Variants in SMAP2 observed in about 807,000 individuals in gnomAD.
SMAP2 encodes the protein stromal membrane-associated protein 2.
A neutral mutation model predicts 56.4 loss-of-function variants in SMAP2; 25 were observed. The observed-to-expected ratio is 0.44, with a 90% CI of 0.32 to 0.62. The LOEUF (loss-of-function observed/expected upper bound fraction) is 0.62. SMAP2 is among the 20% of genes least tolerant of loss of function. The pLI is 0.04. For missense variants in SMAP2, 388 were observed against 545.6 expected (o/e 0.71, Z 2.88); for synonymous variants, 157 against 181.7 (o/e 0.86, Z 1.09).
At chr1:40,363,935 C>T (rs1275682606) in intron 2 of SMAP2, among the ~76,000 whole-genome samples, 2 of 152,180 alleles carry the variant, frequency 1.3e-5, no homozygotes, top group Non-Finnish European at 2.9e-5. Context: ...TCACGAAGCT[C>T]ACTAAGCTTA....
chr1:40,396,818 C>T (rs1260967967), intron 1 of SMAP2: 3 of 984,768 alleles, frequency 3.0e-6, no homozygotes, highest in Non-Finnish European at 3.6e-6. Flanking sequence ...TTTCCAAGAT[C>T]CCACTGGTGT....
At chr1:40,355,299 T>A (rs368158322) in intron 1 of SMAP2, among the ~76,000 whole-genome samples, 1 of 152,206 alleles carries the variant, frequency 6.6e-6, no homozygotes, top group South Asian at 2.1e-4. Context: ...ATGATGAGTA[T>A]CAGTGCCTGT....
rs189296482 is a variant in SMAP2, at chr1:40,381,723, T to A, written c.103+7500T>A. On this transcript the variant is annotated intron_variant, in intron 1 of 9. Coordinates refer to ENST00000372718, the MANE Select transcript of SMAP2 (RefSeq NM_022733.3). The stretch of plus-strand genomic sequence containing the variant: ...GCACTGTGCTTTAGACTTCCTGTTG[T>A]GTAAGAAGCCCATAGTATTGTAGGT... Among the ~76,000 whole-genome samples, 5 of 152,266 alleles carry A rather than the reference T, an allele frequency of 3.3e-5. No individual in the cohort carries two copies. The East Asian group carries it at 9.6e-4, about 29-fold the overall frequency.
rs370401128 is a variant in SMAP2 at position 40,416,159 on chromosome 1, G to A, written c.682-17G>A. On this transcript the variant is annotated splice_polypyrimidine_tract_variant and intron_variant, in intron 7 of 9. Coordinates refer to ENST00000372718, the MANE Select transcript of SMAP2 (RefSeq NM_022733.3). ...TGAGAACCATTTCAATTCTCCCCCC[G>A]CCCTCTTTGCCCTAAGGTTGTAGGT... is the stretch of plus-strand genomic sequence containing the variant. 6.2e-6 allele frequency: 10 copies of A among 1,606,004 alleles called. No individual in the cohort carries two copies. The African/African-American group carries it at 1.1e-4, about 17-fold the overall frequency.
At chr1:40,414,914 C>G (rs1216659519) in intron 6 of SMAP2, among the ~76,000 whole-genome samples, 2 of 152,200 alleles carry the variant, frequency 1.3e-5, no homozygotes, top group African/African-American at 2.4e-5. Flanking sequence ...TTATTGGCTA[C>G]TTAGGCTTCT....
intron 1 of SMAP2, among the ~76,000 whole-genome samples, chr1:40,356,125 A>C (rs527807202): frequency 1.3e-5 from 2 of 152,056 alleles, no homozygotes; most frequent in East Asian, 3.9e-4. Flanking sequence ...TAACATAATG[A>C]CCTCCAGTTC....
chr1:40,349,911 A>G (rs191666447), intron 1 of SMAP2, among the ~76,000 whole-genome samples: 5 of 152,294 alleles, frequency 3.3e-5, no homozygotes, highest in African/African-American at 1.2e-4. Context: ...TATCTCCAAC[A>G]TTGAGTCAGT....
chr1:40,400,164 C>T (rs1485625800), intron 1 of SMAP2, among the ~76,000 whole-genome samples: 1 of 152,064 alleles, frequency 6.6e-6, no homozygotes, highest in Non-Finnish European at 1.5e-5. Context: ...GCAGGAGCAG[C>T]ATGTACAAAG....
chr1:40,408,590 G>A lies in SMAP2; in HGVS notation c.238-63G>A. ...CAATTGTACAGTAGTGGAATTGGGT[G>A]AGAAGTTTTTCAGTTCTTTCTTGAT... On this transcript the variant is annotated intron_variant, in intron 2 of 9. Transcript: ENST00000372718. The surrounding 1 kb of genome is among the most constrained non-coding windows in gnomAD (Gnocchi z 4.3). The A allele has an allele frequency of 2.8e-6, 4 of 1,407,728 alleles. No homozygotes were observed. Among genetic ancestry groups the A allele is most frequent in the Non-Finnish European group, 4.0e-6 (4 of 994,972 alleles). 87.2% of individuals were successfully genotyped at this position (1,407,728 alleles called of 1,614,324 possible).
intron 1 of SMAP2, among the ~76,000 whole-genome samples, chr1:40,349,729 C>T (rs996461215): frequency 6.6e-6 from 1 of 152,112 alleles, no homozygotes; most frequent in African/African-American, 2.4e-5. Context: ...CCATGTTGGC[C>T]AGGATGGTCT....
chr1:40,374,561 C>A lies in SMAP2; in HGVS notation c.103+338C>A. The stretch of plus-strand genomic sequence containing the variant: ...AGCTCCCAGCATGTCACTTGCAAAG[C>A]TGGGGATGAACTGCATTGCGTGCGT... On this transcript the variant is annotated intron_variant, in intron 1 of 9. Transcript: ENST00000372718. This position sits in a 1 kb window ranked among gnomAD's most constrained non-coding sequence, Gnocchi z 5.9. The A allele has an allele frequency of 8.6e-7, 1 of 1,166,770 alleles. No individual in the cohort carries two copies. The highest frequency in any genetic ancestry group is 1.2e-6 in the Non-Finnish European group (1 of 806,678). 72.3% of individuals were successfully genotyped at this position (1,166,770 alleles called of 1,614,324 possible).
At position 40,373,774 on chromosome 1, in the gene SMAP2, G is replaced by C; in HGVS notation, c.-347G>C. 5.2e-6 allele frequency: 1 copy of C among 193,714 alleles called. No individual in the cohort carries two copies. The allele number at this position is 193,714 out of a possible 1,614,324, so 12.0% of individuals were successfully genotyped here. On this transcript the variant is annotated 5_prime_UTR_variant, in exon 1 of 10. Transcript: ENST00000372718. ...GCAGCTGCCAGGGAAACCGAGGCGC[G>C]GGACGCAAGGCCAGCAGACAGGCCG...
intron 1 of SMAP2, among the ~76,000 whole-genome samples, chr1:40,401,676 G>T (rs1644835972): frequency 6.6e-6 from 1 of 152,158 alleles, no homozygotes; most frequent in Non-Finnish European, 1.5e-5. Flanking sequence ...GCAGCAAGAG[G>T]AATTTGCAGC....
At chr1:40,376,507 T>A (rs933798894) in intron 1 of SMAP2, among the ~76,000 whole-genome samples, 1 of 152,190 alleles carries the variant, frequency 6.6e-6, no homozygotes, top group Non-Finnish European at 1.5e-5. Flanking sequence ...TAGGCATTTG[T>A]TGAGGCCTCT....
chr1:40,411,001 A>C (rs901169894), intron 4 of SMAP2, among the ~76,000 whole-genome samples: 4 of 152,136 alleles, frequency 2.6e-5, no homozygotes, highest in Admixed American at 6.5e-5. Flanking sequence ...CAGTGAAATC[A>C]CTGTTTGCAC....
chr1:40,397,836 G>A (rs1644787504), intron 1 of SMAP2, among the ~76,000 whole-genome samples: 1 of 152,152 alleles, frequency 6.6e-6, no homozygotes. Flanking sequence ...AGATGAACTG[G>A]ATTTTTAAGT....
chr1:40,371,490 G>A (rs889272510), upstream of SMAP2, among the ~76,000 whole-genome samples: 1 of 152,216 alleles, frequency 6.6e-6, no homozygotes, highest in Non-Finnish European at 1.5e-5. Flanking sequence ...CTTATGCTAA[G>A]TTATCCTCTA....
Position 40,374,109 on chromosome 1 carries a change from G to A in SMAP2, c.-12G>A. On this transcript the variant is annotated 5_prime_UTR_variant, in exon 1 of 10. Coordinates refer to ENST00000372718, the MANE Select transcript of SMAP2 (RefSeq NM_022733.3). The surrounding 1 kb of genome is among the most constrained non-coding windows in gnomAD (Gnocchi z 5.9). The stretch of plus-strand genomic sequence containing the variant: ...GGGCGCGTCGCCCTCTGCCCCCGCC[G>A]GCACCCTGGCCATGACAGGCAAGTC... 1 of 1,607,010 alleles carries A rather than the reference G, an allele frequency of 6.2e-7. No individual in the cohort carries two copies.
chr1:40,351,757 C>T (rs1644410148), intron 1 of SMAP2, among the ~76,000 whole-genome samples: 1 of 152,154 alleles, frequency 6.6e-6, no homozygotes, highest in Non-Finnish European at 1.5e-5. Flanking sequence ...CCACCTTGGC[C>T]TCTCAAATTG....
Sources: allele counts gnomAD v4.1 joint callset (sites outside exome capture counted in the v4.1 genomes callset), GRCh38; gene constraint gnomAD v4.1.1; non-coding constraint Gnocchi (gnomAD v3.1); transcripts MANE v1.5; gene names NCBI Gene and HGNC (gene_info 2026-07-23, HGNC 2026-07-21).